The following CCDC73 variants were observed in gnomAD, a reference collection of about 807,000 sequenced individuals.
CCDC73 encodes the protein coiled-coil domain containing 73.
CCDC73 carries 95 observed loss-of-function variants against 116.5 expected under a neutral mutation model. The ratio of observed to expected loss-of-function variants is 0.82; its 90% CI spans 0.69 to 0.97. The LOEUF is 0.97. CCDC73 is among the 50% of genes least tolerant of loss of function. The pLI, the probability that CCDC73 is intolerant of heterozygous loss-of-function variation, is 0.00. For synonymous variants in CCDC73, 398 were observed against 401.3 expected (o/e 0.99, Z 0.10); for missense variants, 1,066 against 1,206.8 (o/e 0.88, Z 1.73).
At chr11:32,756,729 T>C (rs1850347186) in intron 2 of CCDC73, among the ~76,000 whole-genome samples, 1 of 151,974 alleles carries the variant, frequency 6.6e-6, no homozygotes, top group Admixed American at 6.6e-5. Flanking sequence ...GTAACTGTGG[T>C]TCAGTGTTTT....
At chr11:32,677,173 G>A (rs1037989256) in intron 7 of CCDC73, among the ~76,000 whole-genome samples, 10 of 152,106 alleles carry the variant, frequency 6.6e-5, no homozygotes, top group African/African-American at 1.9e-4. Context: ...ATTGTTTTCT[G>A]AATGAACTGT....
intron 7 of CCDC73, among the ~76,000 whole-genome samples, chr11:32,678,077 G>C (rs1220694486): frequency 6.6e-6 from 1 of 151,302 alleles, no homozygotes; most frequent in African/African-American, 2.4e-5. Flanking sequence ...TCAGGAGTTC[G>C]AGACCAGCCT....
chr11:32,604,770 T>A (rs1239546270), intron 17 of CCDC73: 2 of 152,238 alleles, frequency 1.3e-5, no homozygotes, highest in Non-Finnish European at 2.9e-5. Context: ...CTGCCTTACA[T>A]TAAAATCTTT....
chr11:32,655,928 A>G (rs1302201248), intron 9 of CCDC73, among the ~76,000 whole-genome samples: 3 of 152,116 alleles, frequency 2.0e-5, no homozygotes, highest in Admixed American at 6.5e-5. Context: ...TGTGCAATTG[A>G]TTGTGCTGTT....
intron 1 of CCDC73, among the ~76,000 whole-genome samples, chr11:32,784,553 G>C (rs554093014): frequency 6.6e-6 from 1 of 152,298 alleles, no homozygotes; most frequent in East Asian, 1.9e-4. Context: ...TCCATCATGG[G>C]AAGGCATTAG....
the CCDC73 span, among the ~76,000 whole-genome samples, chr11:32,816,514 A>T: frequency 6.6e-6 from 1 of 152,212 alleles, no homozygotes; most frequent in Non-Finnish European, 1.5e-5. Context: ...TGTTCAGGAT[A>T]GACTCTGATG....
chr11:32,627,296 C>T (rs1003842346), intron 14 of CCDC73, among the ~76,000 whole-genome samples: 3 of 152,120 alleles, frequency 2.0e-5, no homozygotes, highest in Non-Finnish European at 4.4e-5. Context: ...GTTAGAATGG[C>T]GATCATTGAA....
intron 14 of CCDC73, among the ~76,000 whole-genome samples, chr11:32,619,819 GAGA>G (rs1347730488): frequency 3.6e-5 from 5 of 139,792 alleles, no homozygotes; most frequent in African/African-American, 1.3e-4. Flanking sequence ...GGTGAAGAAG[GAGA>G]AGGAGAAGAA....
At chr11:32,773,998 C>G (rs1201441715) in intron 1 of CCDC73, among the ~76,000 whole-genome samples, 2 of 152,216 alleles carry the variant, frequency 1.3e-5, no homozygotes, top group Admixed American at 1.3e-4. Flanking sequence ...TTTTATCTGG[C>G]AGTATGCCTT....
chr11:32,761,827 A>T (rs1002662652), intron 1 of CCDC73, among the ~76,000 whole-genome samples: 6 of 152,148 alleles, frequency 3.9e-5, no homozygotes, highest in Admixed American at 3.3e-4. Context: ...GTGGCGGCTG[A>T]CAACTCTGAA....
chr11:32,761,729 A>AAAGACTCATATGCGCAT (rs1850393899), intron 1 of CCDC73, among the ~76,000 whole-genome samples: 1 of 152,208 alleles, frequency 6.6e-6, no homozygotes, highest in South Asian at 2.1e-4. Flanking sequence ...TATATGTGCA[A>AAAGACTCATATGCGCAT]AAGACTCATA....
intron 16 of CCDC73, among the ~76,000 whole-genome samples, chr11:32,612,503 C>G (rs888926697): frequency 1.3e-5 from 2 of 151,736 alleles, no homozygotes; most frequent in Non-Finnish European, 2.9e-5. Flanking sequence ...ATTTGGGAAG[C>G]TGAGGCAGGA....
Position 32,615,932 on chromosome 11 carries a change from A to C in CCDC73, c.1375+8T>G. ...AATTAGAAAATATCAATATAATTTT[A>C]AGGTTACCATCTATAATTATTTCCT... On this transcript the variant is annotated splice_region_variant and intron_variant, in intron 15 of 17. Coordinates refer to ENST00000335185, the MANE Select transcript of CCDC73 (RefSeq NM_001008391.4). 6.5e-7 allele frequency: 1 copy of C among 1,530,028 alleles called. No homozygotes were observed. The highest frequency in any genetic ancestry group is 8.9e-7 in the Non-Finnish European group (1 of 1,124,390). 94.8% of individuals were successfully genotyped at this position (1,530,028 alleles called of 1,614,324 possible).
At chr11:32,617,213 C>A (rs1855481940) in intron 14 of CCDC73, among the ~76,000 whole-genome samples, 1 of 152,052 alleles carries the variant, frequency 6.6e-6, no homozygotes, top group East Asian at 1.9e-4. Context: ...CAGGAAGACA[C>A]TGAGAAGTCA....
At chr11:32,656,480 T>C (rs1855873791) in intron 9 of CCDC73, among the ~76,000 whole-genome samples, 1 of 152,172 alleles carries the variant, frequency 6.6e-6, no homozygotes, top group South Asian at 2.1e-4. Flanking sequence ...CTCATGCACC[T>C]GTCTTGGATA....
At chr11:32,708,741 T>C (rs571906596) in intron 3 of CCDC73, among the ~76,000 whole-genome samples, 1 of 152,350 alleles carries the variant, frequency 6.6e-6, no homozygotes, top group African/African-American at 2.4e-5. Context: ...GCAGAGCTAC[T>C]GATTTGTGTA....
At chr11:32,606,247 CTA>C (rs1054506694) in intron 17 of CCDC73, 2 of 152,154 alleles carry the variant, frequency 1.3e-5, no homozygotes, top group Non-Finnish European at 2.9e-5. Context: ...AAAAATAAAA[CTA>C]TTTTTTTGGC....
intron 14 of CCDC73, among the ~76,000 whole-genome samples, chr11:32,620,154 T>C (rs1234502240): frequency 6.6e-6 from 1 of 152,164 alleles, no homozygotes; most frequent in Non-Finnish European, 1.5e-5. Context: ...AATCAAGCTA[T>C]CATCTACAGC....
At chr11:32,747,271 A>C (rs1364821680) in intron 2 of CCDC73, among the ~76,000 whole-genome samples, 5 of 152,068 alleles carry the variant, frequency 3.3e-5, no homozygotes, top group Admixed American at 6.5e-5. Flanking sequence ...GCAGAACAGC[A>C]AATATTGCTC....
Sources: gnomAD v4.1 joint callset for allele counts (sites outside exome capture counted in the v4.1 genomes callset) on GRCh38, gnomAD v4.1.1 for gene constraint, MANE v1.5 for transcripts, NCBI Gene and HGNC (gene_info 2026-07-23, HGNC 2026-07-21) for gene names.